KHSRP: variants seen among roughly 807,000 people sequenced by gnomAD.
The protein encoded by KHSRP is far upstream element-binding protein 2.
In KHSRP, 13 loss-of-function variants were observed where a neutral mutation model predicts 94.9. The observed-to-expected ratio is 0.14, with a 90% confidence interval of 0.09 to 0.22. The LOEUF (loss-of-function observed/expected upper bound fraction) is 0.22, where lower values mean the gene tolerates loss of function less well. KHSRP is among the 10% of genes least tolerant of loss of function. The probability of loss-of-function intolerance (pLI) is 1.00; values close to 1 mark genes in which losing one functional copy is unlikely to be tolerated. For synonymous variants in KHSRP, 495 were observed against 401.4 expected, an observed-to-expected ratio of 1.23 and a Z score of -2.79; for missense variants, 710 against 1,010.0, an observed-to-expected ratio of 0.70 and a Z score of 4.03.
Position 6,413,593 on chromosome 19 carries a change from C to A in KHSRP, c.*1431G>T. 4.9e-6 allele frequency: 1 copy of A among 202,594 alleles called. No homozygotes were observed. 12.5% of individuals were successfully genotyped at this position (202,594 alleles called of 1,614,324 possible). On this transcript the variant is annotated 3_prime_UTR_variant, in exon 19 of 19. Coordinates refer to ENST00000600480, the MANE Select transcript of KHSRP (RefSeq NM_001366299.1). ...GGGTCCTGCAATACAACACCTGGTC[C>A]AAGGAATGTTCCACCTCTAACTAAA...
chr19:6,415,971 G>GT, intron 15 of KHSRP, 75 bp from the exon 16 acceptor site: 2 of 960,960 alleles, frequency 2.1e-6, no homozygotes, highest in Non-Finnish European at 3.0e-6. Context: ...GGGTGGGGAT[G>GT]TTTTTCAGTG....
rs35757137 is a variant in KHSRP, at chr19:6,413,825, GT to G, written c.*1198del. ...TGCTCTTTGTGTTTTTAATTTTTAA[GT>G]TTTTTTTTTTTTTTGGCAGAGATTT... On this transcript the variant is annotated 3_prime_UTR_variant, in exon 19 of 19. Transcript: ENST00000600480. 65,578 of 159,286 alleles carry G rather than the reference GT, an allele frequency of 0.41. 12,063 individuals carry two copies. The highest frequency in any genetic ancestry group is 0.54 in the Admixed American group (7,466 of 13,954). The allele number at this position is 159,286 out of a possible 1,614,324, so 9.9% of individuals were successfully genotyped here.
At position 6,415,558 on chromosome 19, in the gene KHSRP, A is replaced by C; in HGVS notation, c.1864T>G (p.Trp622Gly). 6.5e-7 allele frequency: 1 copy of C among 1,531,278 alleles called. No homozygotes were observed. The highest frequency in any genetic ancestry group is 8.8e-7 in the Non-Finnish European group (1 of 1,138,648). The allele number at this position is 1,531,278 out of a possible 1,614,324, so 94.9% of individuals were successfully genotyped here. ...PTGQSDYTKA[W>G]EEYYKKIGQQ... Reference sequence around the variant, plus strand: ...CCGATCTTTTTGTAATACTCTTCCCAGGCCTTAGTGTAGTCCGACTGGCCG... The same window carrying C: ...CCGATCTTTTTGTAATACTCTTCCCCGGCCTTAGTGTAGTCCGACTGGCCG... The change falls in exon 17 of 19, where the codon TGG becomes GGG. Residue 622 changes from tryptophan to glycine, a missense_variant. Around this residue, in one of 5 missense-constraint regions of KHSRP, gnomAD observed 292 missense variants for 340.5 expected, o/e 0.86. Coordinates refer to ENST00000600480, the MANE Select transcript of KHSRP (RefSeq NM_001366299.1).
chr19:6,415,020 G>C lies in KHSRP; in HGVS notation c.*4C>G. The C allele has an allele frequency of 2.0e-6, 3 of 1,478,858 alleles. No individual in the cohort carries two copies. The highest frequency in any genetic ancestry group is 2.7e-6 in the Non-Finnish European group (3 of 1,123,262). 91.6% of individuals were successfully genotyped at this position (1,478,858 alleles called of 1,614,324 possible). On this transcript the variant is annotated 3_prime_UTR_variant, in exon 19 of 19. Coordinates refer to ENST00000600480, the MANE Select transcript of KHSRP (RefSeq NM_001366299.1). ...CTCCGGCCACACGGCCCCCGCTGCAGGCATCAAGGGCACACCCCGCAGGGG... is the reference window on the plus strand; with the variant it reads ...CTCCGGCCACACGGCCCCCGCTGCACGCATCAAGGGCACACCCCGCAGGGG...
chr19:6,417,136 C>A, intron 11 of KHSRP, 49 bp from the exon 12 acceptor site: 1 of 1,466,272 alleles, frequency 6.8e-7, no homozygotes, highest in South Asian at 1.2e-5. Flanking sequence ...AAGAAGAGCC[C>A]ACCCCAGAGC....
intron 15 of KHSRP, among the ~76,000 whole-genome samples, 191 bp from the exon 16 acceptor site, chr19:6,416,087 G>A (rs988043853): frequency 6.6e-6 from 1 of 152,230 alleles, no homozygotes; most frequent in Non-Finnish European, 1.5e-5. Context: ...GGACATGAAA[G>A]AAGCCGCGAA....
intron 1 of KHSRP, 58 bp downstream of exon 1, chr19:6,424,395 C>T (rs1437130766): frequency 1.1e-6 from 1 of 911,660 alleles, no homozygotes; most frequent in Non-Finnish European, 1.3e-6. Context: ...TGACCCCCGC[C>T]CCCTCCCCCG....
chr19:6,424,499 C>A lies in KHSRP; in HGVS notation c.203G>T (p.Gly68Val). The change falls in exon 1 of 19, where the codon GGA (glycine) becomes GTA (valine). Residue 68 changes from glycine (G) to valine (V), a missense_variant. Gly to Val is a moderately radical substitution (Grantham distance 109, BLOSUM62 -3). Around this residue, in one of 5 missense-constraint regions of KHSRP, gnomAD observed 92 missense variants for 80.8 expected, o/e 1.14. Transcript: ENST00000600480. ...PSQPPGGGGP[G>V]IRKDAFADAV... is the part of the protein sequence containing the mutation. Reference sequence around the variant, plus strand: ...GTCGGCGAAAGCGTCCTTGCGGATTCCCGGGCCGCCTCCGCCGGGTGGCTG... The same window carrying A: ...GTCGGCGAAAGCGTCCTTGCGGATTACCGGGCCGCCTCCGCCGGGTGGCTG... 1.0e-6 allele frequency: 1 copy of A among 988,886 alleles called. No individual in the cohort carries two copies. Among genetic ancestry groups the A allele is most frequent in the Middle Eastern group, 5.1e-4 (1 of 1,954 alleles). 61.3% of individuals were successfully genotyped at this position (988,886 alleles called of 1,614,324 possible).
intron 6 of KHSRP, among the ~76,000 whole-genome samples, chr19:6,419,476 A>C (rs2092181755): frequency 6.6e-6 from 1 of 152,176 alleles, no homozygotes; most frequent in South Asian, 2.1e-4. Context: ...TTTAAGGGAA[A>C]AGGATGAGGT....
intron 12 of KHSRP, 48 bp from the exon 13 acceptor site, chr19:6,416,930 T>G: frequency 6.2e-7 from 1 of 1,613,198 alleles, no homozygotes. Context: ...GAAGCCGGTC[T>G]GGTCTTGCAC....
chr19:6,420,456 T>C lies in KHSRP; in HGVS notation c.441A>G (p.Glu147=), dbSNP rs1371655003. The C allele has an allele frequency of 6.2e-7, 1 of 1,613,988 alleles. No individual in the cohort carries two copies. The highest frequency in any genetic ancestry group is 1.3e-5 in the African/African-American group (1 of 75,058). The change falls in exon 5 of 19, where the codon GAA becomes GAG. Residue 147 remains glutamate (E), a synonymous_variant. Transcript: ENST00000600480. ...IHPPPRTSMT[E]EYRVPDGMVG... is the part of the protein sequence containing the mutation. ...CCATGCCGTCTGGGACCCTGTACTC[T>C]TCTGTCATTGAAGTCCTGTAAAGAG...
Position 6,414,477 on chromosome 19 carries a change from A to G in KHSRP, c.*547T>C. 1.3e-5 allele frequency: 14 copies of G among 1,117,780 alleles called. No individual in the cohort carries two copies. The highest frequency in any genetic ancestry group is 1.5e-5 in the Non-Finnish European group (14 of 913,992). 69.2% of individuals were successfully genotyped at this position (1,117,780 alleles called of 1,614,324 possible). On this transcript the variant is annotated 3_prime_UTR_variant, in exon 19 of 19. Transcript: ENST00000600480. ...AATCCAGAGATCATGGTGTCCCCAC[A>G]ACACCCCTGTGAGGTAGGTTGGAAG...
At position 6,421,653 on chromosome 19, in the gene KHSRP, C is replaced by A. The variant is rs1240908989; in HGVS notation, c.382G>T (p.Asp128Tyr). The change falls in exon 3 of 19, where the codon GAC becomes TAC. Residue 128 changes from aspartate to tyrosine, a missense_variant. Asp to Tyr is a radical substitution (Grantham distance 160). Around this residue, in one of 5 missense-constraint regions of KHSRP, gnomAD observed 288 missense variants for 501.1 expected, o/e 0.57. Transcript: ENST00000600480. ...PESKKLASQGDSISSQLGPIH... is the reference protein window; with the variant it reads ...PESKKLASQGYSISSQLGPIH... The stretch of plus-strand genomic sequence containing the variant: ...CCACCAGACCCCCTGGACTTACAGT[C>A]TCCCTGGGAAGCCAGCTTCTTGCTC... The A allele has an allele frequency of 6.2e-7, 1 of 1,613,968 alleles. No homozygotes were observed. Among genetic ancestry groups the A allele is most frequent in the Non-Finnish European group, 8.5e-7 (1 of 1,179,890 alleles).
At chr19:6,417,941 T>G (rs1247214012) in intron 10 of KHSRP, 40 bp downstream of exon 10, 1 of 1,601,156 alleles carries the variant, frequency 6.2e-7, no homozygotes. Flanking sequence ...CTCCCTCCAC[T>G]GGCGGGGGAG....
chr19:6,414,896 C>A lies in KHSRP; in HGVS notation c.*128G>T. The A allele has an allele frequency of 7.3e-7, 1 of 1,377,164 alleles. No homozygotes were observed. The allele number at this position is 1,377,164 out of a possible 1,614,324, so 85.3% of individuals were successfully genotyped here. ...TCAGCGCTCCCCAGCATCACGACAG[C>A]GGCACACAGGAACAAGCAGCCGGCG... On this transcript the variant is annotated 3_prime_UTR_variant, in exon 19 of 19. Coordinates refer to ENST00000600480, the MANE Select transcript of KHSRP (RefSeq NM_001366299.1).
rs1241926456 is a variant in KHSRP, at chr19:6,418,608, G to C, written c.781-27C>G. The C allele has an allele frequency of 6.2e-7, 1 of 1,611,508 alleles. No homozygotes were observed. The highest frequency in any genetic ancestry group is 1.3e-5 in the African/African-American group (1 of 75,030). On this transcript the variant is annotated intron_variant, in intron 8 of 18. Transcript: ENST00000600480. This position sits in a 1 kb window ranked among gnomAD's most constrained non-coding sequence, Gnocchi z 4.3. ...TTTACAAGCAAGGTTAACCGTTAGT[G>C]CTGGGCTCTCCCAGGACTTCCTGGG... is the stretch of plus-strand genomic sequence containing the variant.
chr19:6,422,250 A>T, intron 2 of KHSRP, 90 bp downstream of exon 2: 2 of 771,740 alleles, frequency 2.6e-6, no homozygotes, highest in South Asian at 1.5e-5. Context: ...CAACAGTGAC[A>T]CCCACCCCCT....
rs758801757 is a variant in KHSRP, at chr19:6,415,308, G to A, written c.1967-7C>T. ...CCTCCGGTGGCCACTTGCGCTGTGG[G>A]TGGACAAAGGCAGGTGAGAGGCTGT... On this transcript the variant is annotated splice_polypyrimidine_tract_variant and splice_region_variant and intron_variant, in intron 18 of 18. Transcript: ENST00000600480. 1 of 1,613,428 alleles carries A rather than the reference G, an allele frequency of 6.2e-7. No homozygotes were observed.
chr19:6,420,902 A>G, intron 4 of KHSRP: 1 of 382,758 alleles, frequency 2.6e-6, no homozygotes, highest in Non-Finnish European at 4.8e-6. Flanking sequence ...AAGAGCCCTG[A>G]GCTCCACAGC....
Sources: allele counts gnomAD v4.1 joint callset (sites outside exome capture counted in the v4.1 genomes callset), GRCh38; gene constraint gnomAD v4.1.1; regional missense constraint gnomAD v4.1.1; non-coding constraint Gnocchi (gnomAD v3.1); transcripts MANE v1.5; gene names NCBI Gene and HGNC (gene_info 2026-07-23, HGNC 2026-07-21).